PARD3: variants seen among roughly 807,000 people sequenced by gnomAD.
The protein encoded by PARD3 is partitioning defective 3 homolog.
A neutral mutation model predicts 155.4 loss-of-function variants in PARD3; 75 were observed. That is an observed-to-expected ratio of 0.48 (90% confidence interval 0.40 to 0.58). The LOEUF (loss-of-function observed/expected upper bound fraction) is 0.58, where lower values mean the gene tolerates loss of function less well. Ranked by LOEUF, PARD3 falls within the 20% of genes least tolerant of loss-of-function variation. The probability of loss-of-function intolerance (pLI) is 0.00; values close to 1 mark genes in which losing one functional copy is unlikely to be tolerated. For synonymous variants in PARD3, 576 were observed against 610.5 expected (o/e 0.94, Z 0.83); for missense variants, 1,642 against 1,721.7 (o/e 0.95, Z 0.82).
intron 2 of PARD3, among the ~76,000 whole-genome samples, chr10:34,632,738 C>T (rs1363200912): frequency 6.6e-6 from 1 of 152,178 alleles, no homozygotes; most frequent in Non-Finnish European, 1.5e-5. Context: ...GCATTAGTAG[C>T]GTACAGCTCT....
At chr10:34,583,218 G>C (rs2087661773) in intron 2 of PARD3, among the ~76,000 whole-genome samples, 1 of 152,076 alleles carries the variant, frequency 6.6e-6, no homozygotes, top group African/African-American at 2.4e-5. Flanking sequence ...AACCATCTAA[G>C]TTTTTGGTTT....
At chr10:34,802,890 T>C (rs1282844918) in intron 1 of PARD3, among the ~76,000 whole-genome samples, 2 of 151,858 alleles carry the variant, frequency 1.3e-5, no homozygotes, top group African/African-American at 2.4e-5. Flanking sequence ...CATTCTCTCT[T>C]TGAACCCAGA....
chr10:34,422,326 C>T (rs747875585), intron 5 of PARD3, among the ~76,000 whole-genome samples: 26 of 151,910 alleles, frequency 1.7e-4, no homozygotes, highest in Non-Finnish European at 3.4e-4. Flanking sequence ...TTAAGAATAA[C>T]GTATATAAAA....
rs552474102 is a variant in PARD3 at position 34,383,870 on chromosome 10, G to A, written c.1016+259C>T. On this transcript the variant is annotated intron_variant, in intron 8 of 24. Transcript: ENST00000374788. ...GGGCACACTGTCAATTTTCCAAAAGGAGAGGAACCAGCAAAATTGTAAAGT... is the reference window on the plus strand; with the variant it reads ...GGGCACACTGTCAATTTTCCAAAAGAAGAGGAACCAGCAAAATTGTAAAGT... Among the ~76,000 whole-genome samples the A allele has an allele frequency of 1.0e-3, 152 of 152,248 alleles. 1 individual carries two copies. The highest frequency in any genetic ancestry group is 3.6e-3 in the African/African-American group (148 of 41,550).
intron 7 of PARD3, among the ~76,000 whole-genome samples, chr10:34,385,081 G>A (rs1366876314): frequency 6.6e-6 from 1 of 152,122 alleles, no homozygotes; most frequent in Non-Finnish European, 1.5e-5. Flanking sequence ...CACAGTATAA[G>A]CAACAGGGGT....
chr10:34,258,384 C>G (rs184466031), intron 22 of PARD3, among the ~76,000 whole-genome samples: 45 of 152,198 alleles, frequency 3.0e-4, no homozygotes, highest in Admixed American at 2.8e-3. Context: ...GGCTTTGTCT[C>G]TGACTGTTAT....
chr10:34,805,535 G>A (rs534185867), intron 1 of PARD3, among the ~76,000 whole-genome samples: 120 of 112,652 alleles, frequency 1.1e-3, no homozygotes, highest in Middle Eastern at 4.5e-3. Context: ...AAATACACAC[G>A]TATGTGCATA....
At chr10:34,291,736 A>G (rs563969732) in intron 20 of PARD3, among the ~76,000 whole-genome samples, 1 of 152,364 alleles carries the variant, frequency 6.6e-6, no homozygotes, top group African/African-American at 2.4e-5. Flanking sequence ...TAGCTGGTTA[A>G]TAAATCTATG....
At position 34,302,265 on chromosome 10, in the gene PARD3, T is replaced by TA. The variant is rs1957192106; in HGVS notation, c.3065+14841dup. Among the ~76,000 whole-genome samples, 3 of 151,854 alleles carry TA rather than the reference T, an allele frequency of 2.0e-5. No homozygotes were observed. In the South Asian group the frequency reaches 6.3e-4, roughly 32 times the overall value. On this transcript the variant is annotated intron_variant, in intron 20 of 24. Coordinates refer to ENST00000374788, the MANE Select transcript of PARD3 (RefSeq NM_001184785.2). ...GATTTAGTGGCACTTACTTACCATT[T>TA]AAAAAAAATGAATTGCAGAATATTA...
At chr10:34,612,084 C>T (rs1168160017) in intron 2 of PARD3, among the ~76,000 whole-genome samples, 1 of 151,982 alleles carries the variant, frequency 6.6e-6, no homozygotes, top group African/African-American at 2.4e-5. Flanking sequence ...CCTCGGCCTC[C>T]CAAAGTGCTC....
In PARD3 at chr10:34,193,413, CAA is replaced by C. The variant is rs1950800122; in HGVS notation, c.3420-61832_3420-61831del. ...AAACTACTTTTACTATTTGTATACACAAAGAGATCCATTTAATGAATATTGGA... is the reference window on the plus strand; with the variant it reads ...AAACTACTTTTACTATTTGTATACACAGAGATCCATTTAATGAATATTGGA... On this transcript the variant is annotated intron_variant, in intron 22 of 24. Transcript: ENST00000374788. Among the ~76,000 whole-genome samples, 7 of 152,204 alleles carry C rather than the reference CAA, an allele frequency of 4.6e-5. No homozygotes were observed. In the Middle Eastern group the frequency reaches 0.017, roughly 370 times the overall value.
chr10:34,637,473 T>A (rs1564446406), intron 2 of PARD3, among the ~76,000 whole-genome samples: 1 of 152,242 alleles, frequency 6.6e-6, no homozygotes, highest in Non-Finnish European at 1.5e-5. Context: ...TATCAGGCCC[T>A]GCTGGAGAGA....
intron 23 of PARD3, among the ~76,000 whole-genome samples, chr10:34,120,883 CT>C (rs1264829445): frequency 6.6e-6 from 1 of 152,064 alleles, no homozygotes; most frequent in Non-Finnish European, 1.5e-5. Flanking sequence ...CAGTGAGACC[CT>C]GTCTCCACAA....
At chr10:34,790,524 A>G (rs920563253) in intron 1 of PARD3, among the ~76,000 whole-genome samples, 8 of 152,204 alleles carry the variant, frequency 5.3e-5, no homozygotes, top group Non-Finnish European at 1.2e-4. Context: ...TAGGGCCAGA[A>G]CTGCTGAAAA....
intron 2 of PARD3, among the ~76,000 whole-genome samples, chr10:34,635,887 C>A (rs571475345): frequency 1.3e-5 from 2 of 152,236 alleles, no homozygotes; most frequent in South Asian, 4.1e-4. Flanking sequence ...GTAAAGCTGA[C>A]AGTGTGTGGG....
At position 34,111,382 on chromosome 10, in the gene PARD3, G is replaced by A. The variant is rs1297893137; in HGVS notation, c.3849C>T (p.Leu1283=). The A allele has an allele frequency of 1.2e-6, 2 of 1,614,118 alleles. No individual in the cohort carries two copies. Among genetic ancestry groups the A allele is most frequent in the South Asian group, 2.2e-5 (2 of 91,080 alleles). The change falls in exon 25 of 25, where the codon CTC becomes CTT. Residue 1283 remains leucine (L), a synonymous_variant. Transcript: ENST00000374788. ...CCTTCCGCCTCTGTTCCTGGCGAAGGAGCTCCTGAGTTTCCAGCATGACCC... is the reference window on the plus strand; with the variant it reads ...CCTTCCGCCTCTGTTCCTGGCGAAGAAGCTCCTGAGTTTCCAGCATGACCC... ...NARVMLETQE[L]LRQEQRRKEQ... is the part of the protein sequence containing the mutation.
intron 3 of PARD3, among the ~76,000 whole-genome samples, chr10:34,504,972 CT>C (rs2080965284): frequency 6.6e-6 from 1 of 152,162 alleles, no homozygotes; most frequent in African/African-American, 2.4e-5. Flanking sequence ...CAATATGGGT[CT>C]CTGTGTGACA....
intron 1 of PARD3, among the ~76,000 whole-genome samples, chr10:34,811,682 CTTTT>C (rs374581405): frequency 7.9e-5 from 12 of 152,082 alleles, no homozygotes; most frequent in Non-Finnish European, 1.6e-4. Context: ...CTAGATTATA[CTTTT>C]TTTTGAAAAT....
intron 2 of PARD3, among the ~76,000 whole-genome samples, chr10:34,561,528 T>C (rs140705870): frequency 0.012 from 1,804 of 149,158 alleles, 40 homozygotes; most frequent in African/African-American, 0.043. Context: ...AATTTATTTA[T>C]TTTTTTTTGA....
Sources: gnomAD v4.1 joint callset for allele counts (sites outside exome capture counted in the v4.1 genomes callset) on GRCh38, gnomAD v4.1.1 for gene constraint, MANE v1.5 for transcripts, NCBI Gene and HGNC (gene_info 2026-07-23, HGNC 2026-07-21) for gene names.